MYCBP2: variants seen among roughly 807,000 people sequenced by gnomAD.
MYCBP2 encodes E3 ubiquitin-protein ligase MYCBP2.
In MYCBP2, 120 loss-of-function variants were observed where a neutral mutation model predicts 525.3. That is an observed-to-expected ratio of 0.23 (90% confidence interval 0.20 to 0.27). The LOEUF (loss-of-function observed/expected upper bound fraction) is 0.27, where lower values mean the gene tolerates loss of function less well. MYCBP2 is among the 10% of genes least tolerant of loss of function. The pLI, the probability that MYCBP2 is intolerant of heterozygous loss-of-function variation, is 1.00. For missense variants in MYCBP2, 4,149 were observed against 5,657.1 expected (o/e 0.73, Z 8.55); for synonymous variants, 1,894 against 1,955.8 (o/e 0.97, Z 0.83).
intron 58 of MYCBP2, among the ~76,000 whole-genome samples, chr13:77,095,029 AAC>A (rs2046026307): frequency 6.6e-6 from 1 of 152,192 alleles, no homozygotes; most frequent in African/African-American, 2.4e-5. Flanking sequence ...CTGCTAAGGA[AAC>A]ACACTTTCTT....
chr13:77,192,727 C>G (rs180769604), intron 27 of MYCBP2, among the ~76,000 whole-genome samples: 2 of 152,274 alleles, frequency 1.3e-5, no homozygotes, highest in South Asian at 2.1e-4. Context: ...TCAATGCTCC[C>G]AATGCCTTAG....
At chr13:77,088,522 T>G (rs756599864) in intron 61 of MYCBP2, among the ~76,000 whole-genome samples, 4 of 152,138 alleles carry the variant, frequency 2.6e-5, no homozygotes, top group Admixed American at 2.6e-4. Context: ...CCATGATTAC[T>G]CTGTCATTTC....
intron 45 of MYCBP2, among the ~76,000 whole-genome samples, chr13:77,156,912 T>C (rs2057281679): frequency 1.3e-5 from 2 of 152,214 alleles, no homozygotes; most frequent in Non-Finnish European, 2.9e-5. Context: ...CACTATTTTG[T>C]GATTTTTAAA....
chr13:77,309,564 CCTTT>C (rs888308880), intron 1 of MYCBP2, among the ~76,000 whole-genome samples: 1 of 152,168 alleles, frequency 6.6e-6, no homozygotes, highest in Non-Finnish European at 1.5e-5. Flanking sequence ...GCTCTTCCTC[CCTTT>C]CTATCTAGAT....
intron 45 of MYCBP2, among the ~76,000 whole-genome samples, chr13:77,157,129 C>T (rs2057303681): frequency 6.6e-6 from 1 of 152,066 alleles, no homozygotes; most frequent in African/African-American, 2.4e-5. Flanking sequence ...CTCTGTTGCC[C>T]AAGCTGGTTG....
intron 1 of MYCBP2, among the ~76,000 whole-genome samples, chr13:77,325,563 A>G (rs909250131): frequency 6.6e-6 from 1 of 152,206 alleles, no homozygotes; most frequent in Non-Finnish European, 1.5e-5. Flanking sequence ...GGTGTAGCCA[A>G]CCCAAGTAAA....
At chr13:77,169,517 TCAAAGATGCAAGTTTTTGTAAAGA>T in intron 39 of MYCBP2, 73 bp downstream of exon 39, 1 of 979,948 alleles carries the variant, frequency 1.0e-6, no homozygotes, top group South Asian at 1.4e-5. Context: ...CCCAGATGCC[TCAAAGATGCAAGTTTTTGTAAAGA>T]CAAGACACAA....
At chr13:77,104,267 T>C (rs961836706) in intron 55 of MYCBP2, among the ~76,000 whole-genome samples, 2 of 152,106 alleles carry the variant, frequency 1.3e-5, no homozygotes, top group African/African-American at 4.8e-5. Context: ...TGATTCATTA[T>C]TATGATCAAG....
At chr13:77,197,793 GA>G (rs991074581) in intron 26 of MYCBP2, among the ~76,000 whole-genome samples, 2 of 141,008 alleles carry the variant, frequency 1.4e-5, no homozygotes, top group Non-Finnish European at 3.1e-5. Context: ...TGAAGGGAAG[GA>G]AAAAAAAAGA....
chr13:77,160,649 A>T (rs2057799231), intron 44 of MYCBP2, among the ~76,000 whole-genome samples: 1 of 152,216 alleles, frequency 6.6e-6, no homozygotes, highest in African/African-American at 2.4e-5. Flanking sequence ...AAACAGAGAG[A>T]TAATATTAAA....
intron 1 of MYCBP2, among the ~76,000 whole-genome samples, chr13:77,318,054 T>C (rs1341360907): frequency 1.3e-5 from 2 of 152,056 alleles, no homozygotes; most frequent in African/African-American, 4.8e-5. Flanking sequence ...GGATCAAACA[T>C]CCTGCAAGCC....
At chr13:77,149,342 T>C (rs1189370402) in intron 47 of MYCBP2, among the ~76,000 whole-genome samples, 1 of 152,112 alleles carries the variant, frequency 6.6e-6, no homozygotes, top group East Asian at 1.9e-4. Flanking sequence ...TTCCTGAACC[T>C]CTCTCCAAAC....
At chr13:77,107,184 C>T (rs763436042) in intron 55 of MYCBP2, among the ~76,000 whole-genome samples, 1 of 152,200 alleles carries the variant, frequency 6.6e-6, no homozygotes, top group South Asian at 2.1e-4. Context: ...AATAGAACTT[C>T]AGATATTTTT....
At chr13:77,176,654 A>C in intron 35 of MYCBP2, 26 bp from the exon 36 acceptor site, 1 of 1,481,500 alleles carries the variant, frequency 6.7e-7, no homozygotes, top group Non-Finnish European at 9.0e-7. Flanking sequence ...GAAACACAAA[A>C]ATTCCAACAG....
chr13:77,217,891 A>G lies in MYCBP2; in HGVS notation c.3006T>C (p.His1002=), dbSNP rs747115656. Residue 1002 remains histidine, a synonymous_variant, in exon 21 of 83, where the codon CAT becomes CAC. Transcript: ENST00000544440. ...GTCCATCCATTAAAAGTACTGCCGT[A>G]TGGTTGCTGCCTGCAGTGACTTGTG... The part of the protein sequence containing the change: ...PSTQVTAGSN[H]TAVLLMDGQV... 6.2e-7 allele frequency: 1 copy of G among 1,612,166 alleles called. No individual in the cohort carries two copies. The highest frequency in any genetic ancestry group is 8.5e-7 in the Non-Finnish European group (1 of 1,179,014).
At chr13:77,179,639 A>C (rs2060028973) in intron 34 of MYCBP2, among the ~76,000 whole-genome samples, 1 of 152,248 alleles carries the variant, frequency 6.6e-6, no homozygotes, top group Admixed American at 6.5e-5. Context: ...TGTATATTTT[A>C]CTATAATTTC....
chr13:77,123,275 T>G (rs2051071912), intron 54 of MYCBP2, among the ~76,000 whole-genome samples: 1 of 152,194 alleles, frequency 6.6e-6, no homozygotes, highest in African/African-American at 2.4e-5. Context: ...AATAGTAAGA[T>G]TCACATGATC....
intron 1 of MYCBP2, among the ~76,000 whole-genome samples, chr13:77,304,526 G>A (rs559885479): frequency 9.9e-5 from 15 of 152,254 alleles, no homozygotes; most frequent in African/African-American, 3.6e-4. Context: ...GTAAGTTTGA[G>A]TGTTATATAG....
chr13:77,236,872 AAAATAAAT>A (rs879878885), intron 17 of MYCBP2, among the ~76,000 whole-genome samples: 7 of 152,094 alleles, frequency 4.6e-5, no homozygotes, highest in South Asian at 2.1e-4. Context: ...GCCTCTACAA[AAAATAAAT>A]AAATAAATAA....
Sources: gnomAD v4.1 joint callset for allele counts (sites outside exome capture counted in the v4.1 genomes callset) on GRCh38, gnomAD v4.1.1 for gene constraint, MANE v1.5 for transcripts, NCBI Gene and HGNC (gene_info 2026-07-23, HGNC 2026-07-21) for gene names.